MARF1: variants seen among roughly 807,000 people sequenced by gnomAD.
MARF1 encodes the protein limkain-b1.
MARF1 carries 24 observed loss-of-function variants against 168.2 expected under a neutral mutation model. The observed-to-expected ratio is 0.14, with a 90% confidence interval of 0.10 to 0.20. The LOEUF is 0.20. MARF1 is among the 10% of genes least tolerant of loss of function. The pLI is 1.00. For synonymous variants in MARF1, 868 were observed against 822.4 expected (o/e 1.06, Z -0.95); for missense variants, 1,744 against 2,143.6 (o/e 0.81, Z 3.68).
chr16:15,610,011 T>C (rs2033377945), intron 19 of MARF1, among the ~76,000 whole-genome samples: 1 of 152,144 alleles, frequency 6.6e-6, no homozygotes, highest in African/African-American at 2.4e-5. Context: ...TAGAAACAAT[T>C]TTCTAGCCCC....
Position 15,625,548 on chromosome 16 carries a change from T to C in MARF1, c.1777A>G (p.Lys593Glu), listed in dbSNP as rs2034786392. The change falls in exon 8 of 27, where the codon AAG (lysine) becomes GAG (glutamate). Residue 593 changes from lysine (K) to glutamate (E), a missense_variant. Transcript: ENST00000396368. ...TPKNRELCET[K>E]SSNAIADKVK... ...TTATCAGCAATTGCATTTGAACTCT[T>C]TGTTTCACAGAGTTCTCTATTTTTT... 6.2e-7 allele frequency: 1 copy of C among 1,614,200 alleles called. No homozygotes were observed.
intron 25 of MARF1, chr16:15,599,245 G>A: frequency 1.7e-6 from 1 of 577,122 alleles, no homozygotes; most frequent in Middle Eastern, 4.7e-4. Context: ...TTCTTCTGAA[G>A]ATCCGTGTTC....
chr16:15,602,202 AC>A lies in MARF1; in HGVS notation c.4414del (p.Val1472PhefsTer11). On this transcript the variant is annotated frameshift_variant and splice_region_variant, in exon 23 of 27. Coordinates refer to ENST00000396368, the MANE Select transcript of MARF1 (RefSeq NM_014647.4). LOFTEE classifies it high-confidence loss of function. ...LLKSLPYLVE[V>X]FTNDKMEECV... ...TTCTTCCATCTTATCATTAGTGAAA[AC>A]CTGGTTAAAAAGAAAACGCAGCATT... 6.2e-7 allele frequency: 1 copy of A among 1,613,636 alleles called. No individual in the cohort carries two copies. Among genetic ancestry groups the A allele is most frequent in the Non-Finnish European group, 8.5e-7 (1 of 1,179,576 alleles).
chr16:15,611,119 A>G lies in MARF1; in HGVS notation c.3618-11T>C, dbSNP rs2033493098. The G allele has an allele frequency of 1.2e-6, 2 of 1,613,092 alleles. No individual in the cohort carries two copies. The highest frequency in any genetic ancestry group is 1.3e-5 in the African/African-American group (1 of 74,902). ...TCCTTTGAGAAACACCTAGGTTTTA[A>G]CAACGGAAGTGGATACGGAATGAGT... On this transcript the variant is annotated splice_polypyrimidine_tract_variant and intron_variant, in intron 18 of 26. Transcript: ENST00000396368.
At chr16:15,605,323 G>A (rs187606793) in intron 21 of MARF1, among the ~76,000 whole-genome samples, 14 of 152,298 alleles carry the variant, frequency 9.2e-5, no homozygotes, top group African/African-American at 3.4e-4. Flanking sequence ...TCTTTGGACC[G>A]TGGATTCTGA....
chr16:15,612,029 A>C (rs1219390103), intron 17 of MARF1, among the ~76,000 whole-genome samples: 3 of 152,218 alleles, frequency 2.0e-5, no homozygotes, highest in Non-Finnish European at 4.4e-5. Context: ...CAGAAATGAA[A>C]ACTGTATTGG....
At chr16:15,621,940 C>T (rs1596477050) in intron 11 of MARF1, 29 bp from the exon 12 acceptor site, 1 of 1,606,254 alleles carries the variant, frequency 6.2e-7, no homozygotes, top group Non-Finnish European at 8.5e-7. Context: ...AAACTAAACG[C>T]TATGTCCGCC....
At chr16:15,623,817 G>A (rs1464300411) in intron 10 of MARF1, among the ~76,000 whole-genome samples, 1 of 151,564 alleles carries the variant, frequency 6.6e-6, no homozygotes, top group African/African-American at 2.4e-5. Context: ...AGAGTTAAAC[G>A]TTCTTGCCTA....
chr16:15,599,207 C>G (rs1012867802), intron 25 of MARF1, 183 bp from the exon 26 acceptor site: 1 of 633,774 alleles, frequency 1.6e-6, no homozygotes, highest in African/African-American at 1.9e-5. Flanking sequence ...CAGGAAGATC[C>G]TGGTAATGGA....
Position 15,639,115 on chromosome 16 carries a change from TGCTCAGGACGAGAAAA to T in MARF1, c.103_118del (p.Phe35ArgfsTer22), listed in dbSNP as rs2035783784. The stretch of plus-strand genomic sequence containing the variant: ...CGTTTGGGGACTATGTGGCAGCGTC[TGCTCAGGACGAGAAAA>T]GCAATTAGAGAATTTCCAAAGCCAT... On this transcript the variant is annotated frameshift_variant, in exon 2 of 27. Coordinates refer to ENST00000396368, the MANE Select transcript of MARF1 (RefSeq NM_014647.4). LOFTEE classifies it high-confidence loss of function. The T allele has an allele frequency of 6.2e-7, 1 of 1,614,122 alleles. No individual in the cohort carries two copies. Among genetic ancestry groups the T allele is most frequent in the Non-Finnish European group, 8.5e-7 (1 of 1,180,026 alleles).
intron 1 of MARF1, 44 bp from the exon 2 acceptor site, chr16:15,639,335 G>T: frequency 7.5e-7 from 1 of 1,338,062 alleles, no homozygotes; most frequent in Non-Finnish European, 1.0e-6. Flanking sequence ...CCTTGCATAA[G>T]TACAAATTTT....
At chr16:15,601,026 ATT>A (rs1468291073) in intron 23 of MARF1, 1 of 587,268 alleles carries the variant, frequency 1.7e-6, no homozygotes, top group Admixed American at 2.1e-5. Flanking sequence ...GCTCTTTGCC[ATT>A]TTTTTGCAGA....
chr16:15,607,009 A>C (rs577010951), intron 21 of MARF1, among the ~76,000 whole-genome samples: 5 of 152,216 alleles, frequency 3.3e-5, no homozygotes, highest in Non-Finnish European at 7.4e-5. Flanking sequence ...ACTGCCACTG[A>C]CCTGGCCAGC....
chr16:15,618,166 G>C lies in MARF1; in HGVS notation c.2721-631C>G, dbSNP rs1376440972. On this transcript the variant is annotated intron_variant, in intron 13 of 26. Transcript: ENST00000396368. Reference sequence around the variant, plus strand: ...GGTGATGATAGCGCCTATCTCACAGGGTCAATGTGAGGATTAAGTGTGGTT... The same window carrying C: ...GGTGATGATAGCGCCTATCTCACAGCGTCAATGTGAGGATTAAGTGTGGTT... Among the ~76,000 whole-genome samples the C allele has an allele frequency of 3.3e-5, 5 of 152,134 alleles. No individual in the cohort carries two copies. The East Asian group carries it at 9.6e-4, about 29-fold the overall frequency.
chr16:15,609,758 G>GT (rs1465936665), intron 19 of MARF1, 33 bp from the exon 20 acceptor site: 3 of 1,580,022 alleles, frequency 1.9e-6, no homozygotes, highest in South Asian at 2.2e-5. Context: ...TAAAATCACA[G>GT]TTTTTTTCTA....
chr16:15,631,249 C>T, intron 6 of MARF1, 132 bp downstream of exon 6: 4 of 574,152 alleles, frequency 7.0e-6, no homozygotes, highest in East Asian at 2.9e-5. Context: ...CAGTTCTCAA[C>T]AATAACCATA....
chr16:15,615,678 A>G (rs1270545984), intron 16 of MARF1, 152 bp downstream of exon 16: 2 of 475,154 alleles, frequency 4.2e-6, no homozygotes, highest in Non-Finnish European at 7.2e-6. Flanking sequence ...CAACCCCTCA[A>G]GCATTTTAGG....
chr16:15,624,575 G>A (rs1334491146), intron 10 of MARF1, among the ~76,000 whole-genome samples, 194 bp downstream of exon 10: 1 of 152,202 alleles, frequency 6.6e-6, no homozygotes, highest in Admixed American at 6.5e-5. Context: ...CCAGATGGAG[G>A]AAGAAGAAAT....
intron 11 of MARF1, 87 bp from the exon 12 acceptor site, chr16:15,621,998 T>A: frequency 8.1e-7 from 1 of 1,239,380 alleles, no homozygotes. Context: ...AAGGAACACA[T>A]TTGTCGACTG....
Sources: allele counts gnomAD v4.1 joint callset (sites outside exome capture counted in the v4.1 genomes callset), GRCh38; gene constraint gnomAD v4.1.1; transcripts MANE v1.5; gene names NCBI Gene and HGNC (gene_info 2026-07-23, HGNC 2026-07-21).